IRAG2: variants seen among roughly 807,000 people sequenced by gnomAD.
IRAG2 encodes lymphoid restricted membrane protein.
IRAG2 carries 45 observed loss-of-function variants against 69.9 expected under a neutral mutation model. That is an observed-to-expected ratio of 0.64 (90% CI 0.51 to 0.83). The LOEUF is 0.83. Ranked by LOEUF, IRAG2 falls within the 40% of genes least tolerant of loss-of-function variation. The pLI, the probability that IRAG2 is intolerant of heterozygous loss-of-function variation, is 0.00. For synonymous variants in IRAG2, 193 were observed against 202.4 expected (o/e 0.95, Z 0.40); for missense variants, 520 against 587.0 (o/e 0.89, Z 1.18).
chr12:25,103,699 G>A (rs1948878549), intron 17 of IRAG2, 138 bp from the exon 18 acceptor site: 2 of 604,642 alleles, frequency 3.3e-6, no homozygotes, highest in Non-Finnish European at 5.7e-6. Context: ...GGCCACAAGA[G>A]GATCCTTTAA....
chr12:25,057,773 C>T (rs1945361663), intron 1 of IRAG2, among the ~76,000 whole-genome samples: 1 of 152,162 alleles, frequency 6.6e-6, no homozygotes, highest in Admixed American at 6.5e-5. Flanking sequence ...ACTTCCCAGT[C>T]AATGCCCCGC....
chr12:25,028,412 G>A (rs1295461176), intron 9 of IRAG2, among the ~76,000 whole-genome samples: 1 of 151,938 alleles, frequency 6.6e-6, no homozygotes, highest in Non-Finnish European at 1.5e-5. Flanking sequence ...TCTAAATCAG[G>A]AAATATTTCA....
At chr12:25,049,620 A>G (rs1944824486), upstream of IRAG2, among the ~76,000 whole-genome samples, 1 of 152,240 alleles carries the variant, frequency 6.6e-6, no homozygotes, top group Non-Finnish European at 1.5e-5. Context: ...CATACTCAAC[A>G]TAACTAATCA....
At chr12:25,001,155 A>G (rs1229739066), upstream of IRAG2, among the ~76,000 whole-genome samples, 1 of 152,086 alleles carries the variant, frequency 6.6e-6, no homozygotes, top group African/African-American at 2.4e-5. Context: ...TTTTCAGTGC[A>G]CTCTTTATAA....
At chr12:25,057,528 G>A (rs2352787) in intron 1 of IRAG2, among the ~76,000 whole-genome samples, 12,289 of 151,936 alleles carry the variant, frequency 0.081, 649 homozygotes, top group Middle Eastern at 0.17. Flanking sequence ...CAAAGTTTTG[G>A]GATTACAGGC....
chr12:25,038,595 T>C (rs1944722453), intron 16 of IRAG2, among the ~76,000 whole-genome samples: 1 of 149,936 alleles, frequency 6.7e-6, no homozygotes, highest in Admixed American at 6.6e-5. Context: ...GAGCTGAGAT[T>C]GCACTACTGC....
rs1945991358 is a variant in IRAG2 at position 25,066,525 on chromosome 12, C to G, written c.-59+13C>G. 1 of 401,104 alleles carries G rather than the reference C, an allele frequency of 2.5e-6. No individual in the cohort carries two copies. The highest frequency in any genetic ancestry group is 2.1e-5 in the African/African-American group (1 of 48,688). The allele number at this position is 401,104 out of a possible 1,614,324, so 24.8% of individuals were successfully genotyped here. ...AAAGACAACACAAGTAGGTTAAGAGCAAAATTTACTTACTCTACTCCTCAT... is the reference window on the plus strand; with the variant it reads ...AAAGACAACACAAGTAGGTTAAGAGGAAAATTTACTTACTCTACTCCTCAT... On this transcript the variant is annotated intron_variant, in intron 5 of 21. Coordinates refer to ENST00000556887, the MANE Select transcript of IRAG2 (RefSeq NM_001366544.2).
intron 15 of IRAG2, among the ~76,000 whole-genome samples, chr12:25,097,856 C>A (rs1395487813): frequency 6.6e-6 from 1 of 152,220 alleles, no homozygotes; most frequent in Non-Finnish European, 1.5e-5. Flanking sequence ...CAACTTTCAA[C>A]TTTTTGTCTT....
chr12:25,063,494 C>T (rs746906218), intron 3 of IRAG2, among the ~76,000 whole-genome samples: 3 of 152,216 alleles, frequency 2.0e-5, no homozygotes, highest in Non-Finnish European at 4.4e-5. Context: ...TCCTAGATTA[C>T]TAAATTGTGA....
chr12:25,038,302 A>G (rs1944717832), intron 16 of IRAG2, among the ~76,000 whole-genome samples: 1 of 152,222 alleles, frequency 6.6e-6, no homozygotes, highest in South Asian at 2.1e-4. Context: ...GTAAAATAGT[A>G]TGAAATTGAC....
At chr12:25,049,523 C>T (rs867281684), upstream of IRAG2, among the ~76,000 whole-genome samples, 41 of 151,914 alleles carry the variant, frequency 2.7e-4, no homozygotes, top group Admixed American at 5.9e-4. Context: ...AATAAAAAAA[C>T]ACAAATAACT....
chr12:25,096,876 T>G, intron 14 of IRAG2, 34 bp from the exon 15 acceptor site: 1 of 1,574,884 alleles, frequency 6.3e-7, no homozygotes, highest in Non-Finnish European at 8.6e-7. Context: ...AATGCTTGTG[T>G]TAGATATCTT....
chr12:25,068,775 TTAGAG>T (rs780862644), intron 5 of IRAG2, among the ~76,000 whole-genome samples: 8 of 152,158 alleles, frequency 5.3e-5, no homozygotes, highest in Non-Finnish European at 1.0e-4. Flanking sequence ...AGACCAAATA[TTAGAG>T]TAAAGATTCC....
chr12:25,009,644 C>T lies in IRAG2; in HGVS notation c.689-1700C>T, dbSNP rs530668578. On this transcript the variant is annotated intron_variant, in intron 2 of 38. Coordinates refer to the IRAG2 transcript ENST00000636465. ...GGAGGCGGGCAAGTCCCAAGATCTG[C>T]AGGATGTCAGCAAGCCAGGGATTCA... Among the ~76,000 whole-genome samples, 50 of 152,306 alleles carry T rather than the reference C, an allele frequency of 3.3e-4. 1 individual carries two copies. Among genetic ancestry groups the T allele is most frequent in the South Asian group, 6.2e-4 (3 of 4,824 alleles).
intron 6 of IRAG2, among the ~76,000 whole-genome samples, chr12:25,074,405 C>G (rs1946534915): frequency 6.6e-6 from 1 of 152,172 alleles, no homozygotes; most frequent in African/African-American, 2.4e-5. Context: ...CCATGTTCTT[C>G]AGGCCTCACC....
intron 7 of IRAG2, chr12:25,021,145 C>T (rs1944576826): frequency 4.7e-6 from 1 of 212,818 alleles, no homozygotes; most frequent in Admixed American, 6.8e-5. Flanking sequence ...TGCTTTGTTG[C>T]CCAGGCTGGA....
At chr12:25,062,315 T>C (rs747900840) in intron 2 of IRAG2, among the ~76,000 whole-genome samples, 2 of 151,586 alleles carry the variant, frequency 1.3e-5, no homozygotes, top group African/African-American at 4.8e-5. Flanking sequence ...AAAAAAACCA[T>C]GTGGAAGATT....
chr12:25,045,848 T>TAAAA (rs71063392), intron 16 of IRAG2, among the ~76,000 whole-genome samples: 1 of 131,570 alleles, frequency 7.6e-6, no homozygotes, highest in Non-Finnish European at 1.6e-5. Flanking sequence ...AAATAAAAGA[T>TAAAA]AAAAAAAAAA....
At chr12:25,004,519 G>A (rs1011656) in exon 1 of IRAG2, 151,162 of 1,231,884 alleles carry the variant, frequency 0.12, 10,067 homozygotes, top group Non-Finnish European at 0.14. Flanking sequence ...TTTTGAAGAG[G>A]TACTGAGGAA....
Sources: gnomAD v4.1 joint callset for allele counts (sites outside exome capture counted in the v4.1 genomes callset) on GRCh38, gnomAD v4.1.1 for gene constraint, MANE v1.5 for transcripts, NCBI Gene and HGNC (gene_info 2026-07-23, HGNC 2026-07-21) for gene names.